CROCC2: variants seen among roughly 807,000 people sequenced by gnomAD.
The protein encoded by CROCC2 is ciliary rootlet coiled-coil, rootletin family member 2, also known as ciliary rootlet coiled-coil protein 2.
In CROCC2, 163 loss-of-function variants were observed where a neutral mutation model predicts 177.6. The observed-to-expected ratio is 0.92, with a 90% CI of 0.81 to 1.05. The LOEUF (loss-of-function observed/expected upper bound fraction) is 1.05, where lower values mean the gene tolerates loss of function less well. Among genes scored for constraint, CROCC2 ranks in the 50% least tolerant of loss-of-function variants. The probability of loss-of-function intolerance (pLI) is 0.00; values close to 1 mark genes in which losing one functional copy is unlikely to be tolerated. For synonymous variants in CROCC2, 904 were observed against 787.3 expected (o/e 1.15, Z -2.48); for missense variants, 1,929 against 1,797.8 (o/e 1.07, Z -1.32).
At chr2:240,934,886 C>G in intron 12 of CROCC2, 30 bp from the exon 13 acceptor site, 1 of 1,466,124 alleles carries the variant, frequency 6.8e-7, no homozygotes, top group East Asian at 2.7e-5. Context: ...AGCTGAAGGT[C>G]CCTCCCTGGC....
At chr2:240,976,230 T>A (rs868836767) in intron 27 of CROCC2, among the ~76,000 whole-genome samples, 1 of 123,078 alleles carries the variant, frequency 8.1e-6, no homozygotes, top group Non-Finnish European at 1.7e-5. Flanking sequence ...CCCAGGCTCA[T>A]CCCTGCTCAG....
intron 20 of CROCC2, among the ~76,000 whole-genome samples, chr2:240,961,802 T>C (rs115290085): frequency 3.9e-4 from 7 of 17,748 alleles, no homozygotes; most frequent in African/African-American, 1.0e-3. Context: ...CACTCACACA[T>C]ACACTCACAT....
rs921658996 is a variant in CROCC2, at chr2:240,918,309, T to C, written c.79-417T>C. Among the ~76,000 whole-genome samples the C allele has an allele frequency of 1.3e-5, 2 of 152,104 alleles. No individual in the cohort carries two copies. The highest frequency in any genetic ancestry group is 3.9e-4 in the East Asian group (2 of 5,158). ...CTAGGTCCCTCCTCTGGCCCCACCG[T>C]GCAAACAAGCTGTGAGACCACCTGC... On this transcript the variant is annotated intron_variant, in intron 1 of 31. Transcript: ENST00000690015. This position sits in a 1 kb window ranked among gnomAD's most constrained non-coding sequence, Gnocchi z 6.3.
intron 14 of CROCC2, among the ~76,000 whole-genome samples, chr2:240,941,849 A>C (rs2059496639): frequency 6.6e-6 from 1 of 152,222 alleles, no homozygotes; most frequent in Admixed American, 6.5e-5. Context: ...TGGGACCTTT[A>C]AGAGGTGATT....
intron 15 of CROCC2, among the ~76,000 whole-genome samples, chr2:240,948,148 G>A (rs1177829444): frequency 6.6e-6 from 1 of 152,084 alleles, no homozygotes; most frequent in African/African-American, 2.4e-5. Context: ...TTGGGATGGG[G>A]GCCATGAGGA....
At position 240,917,811 on chromosome 2, in the gene CROCC2, G is replaced by A. The variant is rs945168667; in HGVS notation, c.79-915G>A. ...GCTGTGGCCTTGCGTATTCCTGCGG[G>A]ATCCTGCCTGGGCTTCTGCTGGTTT... On this transcript the variant is annotated intron_variant, in intron 1 of 31. Transcript: ENST00000690015. The surrounding 1 kb of genome is among the most constrained non-coding windows in gnomAD (Gnocchi z 4.9). Among the ~76,000 whole-genome samples the A allele has an allele frequency of 1.3e-5, 2 of 152,216 alleles. No individual in the cohort carries two copies. Among genetic ancestry groups the A allele is most frequent in the African/African-American group, 4.8e-5 (2 of 41,452 alleles).
chr2:240,916,169 G>A (rs2059318842), intron 1 of CROCC2, among the ~76,000 whole-genome samples: 1 of 152,064 alleles, frequency 6.6e-6, no homozygotes, highest in Non-Finnish European at 1.5e-5. Flanking sequence ...AGCATCGGCG[G>A]GGTCCTAAGC....
chr2:240,989,577 C>G (rs2059863250), intron 29 of CROCC2, 77 bp from the exon 30 acceptor site: 2 of 1,398,026 alleles, frequency 1.4e-6, no homozygotes, highest in African/African-American at 1.4e-5. Flanking sequence ...GTGAAACACC[C>G]TGTGGCACTC....
At position 240,967,354 on chromosome 2, in the gene CROCC2, C is replaced by G; in HGVS notation, c.4156C>G (p.Arg1386Gly). 5.5e-6 allele frequency: 4 copies of G among 725,800 alleles called. No individual in the cohort carries two copies. Among genetic ancestry groups the G allele is most frequent in the Non-Finnish European group, 1.0e-5 (4 of 396,638 alleles). The allele number at this position is 725,800 out of a possible 1,614,324, so 45.0% of individuals were successfully genotyped here. ...CAGTCCTTCTGCCCAGGATGACTCC[C>G]GCATCCAGATGGCGACCCTGAGCAG... Reference protein sequence around the residue: ...REAQRERDDSRIQMATLSSRL... With the variant: ...REAQRERDDSGIQMATLSSRL... The change falls in exon 26 of 32, where the codon CGC becomes GGC. Residue 1386 changes from arginine to glycine, a missense_variant. Transcript: ENST00000690015.
Position 240,968,206 on chromosome 2 carries a change from G to C in CROCC2, c.4345G>C (p.Glu1449Gln). The change falls in exon 27 of 32, where the codon GAG becomes CAG. Residue 1449 changes from glutamate to glutamine, a missense_variant. By Grantham distance (29) the Glu-to-Gln change is conservative. Coordinates refer to ENST00000690015, the MANE Select transcript of CROCC2 (RefSeq NM_001351305.2). ...ALQKEALRRL[E>Q]LEHLASVRAA... ...GCAGAAGGAGGCGCTCCGCAGGCTG[G>C]AGTTGGAGCACCTGGCGAGCGTGCG... is the stretch of plus-strand genomic sequence containing the variant. The C allele has an allele frequency of 6.5e-7, 1 of 1,533,330 alleles. No homozygotes were observed. 95.0% of individuals were successfully genotyped at this position (1,533,330 alleles called of 1,614,324 possible).
Position 240,973,423 on chromosome 2 carries a change from A to T in CROCC2, c.4401+5161A>T, listed in dbSNP as rs2059736288. Among the ~76,000 whole-genome samples, 1 of 149,400 alleles carries T rather than the reference A, an allele frequency of 6.7e-6. No individual in the cohort carries two copies. The highest frequency in any genetic ancestry group is 1.5e-5 in the Non-Finnish European group (1 of 67,140). ...CACCCACAGCCTCATGCCCGCTCAG[A>T]AAGGCCCCCCATGCCACCCTTGGAC... On this transcript the variant is annotated intron_variant, in intron 27 of 31. Coordinates refer to ENST00000690015, the MANE Select transcript of CROCC2 (RefSeq NM_001351305.2). The surrounding 1 kb of genome is among the most constrained non-coding windows in gnomAD (Gnocchi z 4.7).
rs74576924 is a variant in CROCC2 at position 240,972,373 on chromosome 2, C to T, written c.4401+4111C>T. Among the ~76,000 whole-genome samples, 965 of 151,810 alleles carry T rather than the reference C, an allele frequency of 6.4e-3. 11 individuals are homozygous for T. Among genetic ancestry groups the T allele is most frequent in the Non-Finnish European group, 8.5e-3 (580 of 67,992 alleles). ...TGGGCGGGGTGGGAGCGGCGCTCTC[C>T]GGTGCACGGTCACGGTGCGGTCCTC... On this transcript the variant is annotated intron_variant, in intron 27 of 31. Transcript: ENST00000690015. This position sits in a 1 kb window ranked among gnomAD's most constrained non-coding sequence, Gnocchi z 7.1.
At chr2:240,964,736 C>T (rs2059667024) in intron 22 of CROCC2, 111 bp downstream of exon 22, 1 of 1,330,466 alleles carries the variant, frequency 7.5e-7, no homozygotes, top group Non-Finnish European at 1.0e-6. Context: ...CTTTGAACCA[C>T]TCTGTCCCCA....
In CROCC2 at chr2:240,949,536, A is replaced by C; in HGVS notation, c.2486A>C (p.Glu829Ala). The C allele has an allele frequency of 1.3e-6, 2 of 1,550,182 alleles. No individual in the cohort carries two copies. Among genetic ancestry groups the C allele is most frequent in the Non-Finnish European group, 1.7e-6 (2 of 1,146,690 alleles). Reference sequence around the variant, plus strand: ...CATCTCACCCATCACCCCACAGTGGAAATGGAGCAGCTACAAAGTGACTGG... The same window carrying C: ...CATCTCACCCATCACCCCACAGTGGCAATGGAGCAGCTACAAAGTGACTGG... ...AGLARQALQVEMEQLQSDWEV... is the reference protein window; with the variant it reads ...AGLARQALQVAMEQLQSDWEV... Residue 829 changes from glutamate (E) to alanine (A), a missense_variant, in exon 17 of 32, where the codon GAA becomes GCA. Transcript: ENST00000690015. This position sits in a 1 kb window ranked among gnomAD's most constrained non-coding sequence, Gnocchi z 4.5.
rs1427416849 is a variant in CROCC2, at chr2:240,972,197, AG to A, written c.4401+3938del. Among the ~76,000 whole-genome samples, 1 of 152,186 alleles carries A rather than the reference AG, an allele frequency of 6.6e-6. No homozygotes were observed. Among genetic ancestry groups the A allele is most frequent in the African/African-American group, 2.4e-5 (1 of 41,434 alleles). On this transcript the variant is annotated intron_variant, in intron 27 of 31. Coordinates refer to ENST00000690015, the MANE Select transcript of CROCC2 (RefSeq NM_001351305.2). The surrounding 1 kb of genome is among the most constrained non-coding windows in gnomAD (Gnocchi z 7.1). Reference sequence around the variant, plus strand: ...AGTTGGGAGTGGAGAGGAACCCATCAGGGACTTTATGTGTCCCCATCCAAAT... The same window carrying A: ...AGTTGGGAGTGGAGAGGAACCCATCAGGACTTTATGTGTCCCCATCCAAAT...
chr2:240,945,640 G>A (rs1450333823), intron 14 of CROCC2, among the ~76,000 whole-genome samples: 1 of 152,092 alleles, frequency 6.6e-6, no homozygotes, highest in African/African-American at 2.4e-5. Flanking sequence ...GCTGTCTGAG[G>A]TGTCTTGCAT....
chr2:240,946,943 G>A (rs2059527968), intron 15 of CROCC2, among the ~76,000 whole-genome samples: 1 of 152,232 alleles, frequency 6.6e-6, no homozygotes, highest in African/African-American at 2.4e-5. Context: ...AGGCCCTCAG[G>A]GCAACTCCCA....
chr2:240,934,151 C>G (rs541527870), intron 11 of CROCC2, among the ~76,000 whole-genome samples, 180 bp from the exon 12 acceptor site: 2 of 152,152 alleles, frequency 1.3e-5, no homozygotes, highest in South Asian at 4.1e-4. Flanking sequence ...GCCTCCCCTG[C>G]CCCGGAAATG....
chr2:240,916,239 TCCTCTCCCATCCCTG>T (rs1308051181), intron 1 of CROCC2, among the ~76,000 whole-genome samples: 1 of 151,566 alleles, frequency 6.6e-6, no homozygotes, highest in African/African-American at 2.4e-5. Flanking sequence ...TTCCTTCCCC[TCCTCTCCCATCCCTG>T]CCTCTCCCCT....
Sources: gnomAD v4.1 joint callset for allele counts (sites outside exome capture counted in the v4.1 genomes callset) on GRCh38, gnomAD v4.1.1 for gene constraint, Gnocchi (gnomAD v3.1) non-coding constraint, MANE v1.5 for transcripts, NCBI Gene and HGNC (gene_info 2026-07-23, HGNC 2026-07-21) for gene names.